The following ZEB1 variants were observed in gnomAD, a reference collection of about 807,000 sequenced individuals.
The protein encoded by ZEB1 is zinc finger E-box binding homeobox 1.
Under a neutral mutation model 84.9 loss-of-function variants are expected in ZEB1, and 21 were observed. The observed-to-expected ratio is 0.25, with a 90% CI of 0.18 to 0.36. The LOEUF (loss-of-function observed/expected upper bound fraction) is 0.36, where lower values mean the gene tolerates loss of function less well. Ranked by LOEUF, ZEB1 falls within the 10% of genes least tolerant of loss-of-function variation. The pLI is 1.00. For missense variants in ZEB1, 1,104 were observed against 1,330.2 expected (o/e 0.83, Z 2.65); for synonymous variants, 420 against 471.1 (o/e 0.89, Z 1.41).
At chr10:31,453,544 G>A (rs550072669) in intron 1 of ZEB1, among the ~76,000 whole-genome samples, 1 of 152,228 alleles carries the variant, frequency 6.6e-6, no homozygotes, top group South Asian at 2.1e-4. Flanking sequence ...ATATTTACAT[G>A]AGACTTTAAT....
At chr10:31,384,764 A>G (rs2048325283) in intron 1 of ZEB1, among the ~76,000 whole-genome samples, 1 of 152,236 alleles carries the variant, frequency 6.6e-6, no homozygotes. Flanking sequence ...CATTATCCAC[A>G]GCATGAGTAA....
chr10:31,478,676 A>G (rs948703564), intron 2 of ZEB1, among the ~76,000 whole-genome samples: 1 of 151,996 alleles, frequency 6.6e-6, no homozygotes, highest in Non-Finnish European at 1.5e-5. Context: ...AGTCATAAAA[A>G]CAAATGAAAT....
upstream of ZEB1, chr10:31,319,175 G>T: frequency 8.8e-7 from 1 of 1,135,456 alleles, no homozygotes; most frequent in Admixed American, 2.3e-5. Context: ...GAGGGGTGGG[G>T]GGGAAGGGGG....
At chr10:31,359,754 T>C (rs2042691683) in intron 1 of ZEB1, among the ~76,000 whole-genome samples, 2 of 152,194 alleles carry the variant, frequency 1.3e-5, no homozygotes, top group South Asian at 4.1e-4. Context: ...ATAGCATCAT[T>C]GGACATTCAG....
At chr10:31,410,705 A>G (rs922960857) in intron 1 of ZEB1, among the ~76,000 whole-genome samples, 1 of 152,052 alleles carries the variant, frequency 6.6e-6, no homozygotes, top group Non-Finnish European at 1.5e-5. Context: ...CTATTCAGGG[A>G]TTTGACATCT....
At position 31,402,769 on chromosome 10, in the gene ZEB1, TTCCTGAC is replaced by T. The variant is rs142491637; in HGVS notation, c.59-58261_59-58255del. ...TCTTGAGTCTGTTGGAGATTAAACT[TTCCTGAC>T]TCCTGAAATGCTTGACTTGACACCG... On this transcript the variant is annotated intron_variant, in intron 1 of 8. Coordinates refer to ENST00000424869, the MANE Select transcript of ZEB1 (RefSeq NM_001174096.2). 7.1e-3 allele frequency among the ~76,000 whole-genome samples: 1,088 copies of T among 152,230 alleles called. 9 individuals carry two copies. Among genetic ancestry groups the T allele is most frequent in the African/African-American group, 0.025 (1,042 of 41,562 alleles).
rs77875938 is a variant in ZEB1 at position 31,476,686 on chromosome 10, G to A, written c.259+15449G>A. On this transcript the variant is annotated intron_variant, in intron 2 of 8. Transcript: ENST00000424869. ...AAAATTCTAGCAAACCAGATTTATC[G>A]CACATCAAAAACAAAATGTATCACA... is the stretch of plus-strand genomic sequence containing the variant. Among the ~76,000 whole-genome samples, 21 of 152,014 alleles carry A rather than the reference G, an allele frequency of 1.4e-4. No individual in the cohort carries two copies. In the East Asian group the frequency reaches 3.3e-3, roughly 24 times the overall value.
At chr10:31,433,472 A>T (rs2136298192) in intron 1 of ZEB1, among the ~76,000 whole-genome samples, 1 of 152,328 alleles carries the variant, frequency 6.6e-6, no homozygotes, top group African/African-American at 2.4e-5. Context: ...TCTGCCAAAT[A>T]CTCAAACCTG....
intron 7 of ZEB1, among the ~76,000 whole-genome samples, chr10:31,522,797 T>G (rs868001408): frequency 2.9e-4 from 44 of 152,244 alleles, no homozygotes; most frequent in African/African-American, 1.1e-3. Flanking sequence ...AATTTCAATA[T>G]CCTGCTCAAA....
intron 1 of ZEB1, among the ~76,000 whole-genome samples, chr10:31,442,948 C>T (rs907016669): frequency 6.6e-6 from 1 of 152,026 alleles, no homozygotes; most frequent in Non-Finnish European, 1.5e-5. Flanking sequence ...CACATGTAGG[C>T]AACTTTTCCA....
intron 4 of ZEB1, among the ~76,000 whole-genome samples, chr10:31,503,467 C>T (rs923244867): frequency 6.6e-6 from 1 of 152,062 alleles, no homozygotes; most frequent in African/African-American, 2.4e-5. Context: ...ACATTTGCTT[C>T]ATCCATTGAT....
At chr10:31,400,626 A>T (rs1426760239) in intron 1 of ZEB1, among the ~76,000 whole-genome samples, 1 of 152,038 alleles carries the variant, frequency 6.6e-6, no homozygotes, top group East Asian at 1.9e-4. Flanking sequence ...TACAGTAGGA[A>T]TTTTTTTACA....
chr10:31,500,590 G>A (rs117653436), intron 3 of ZEB1, among the ~76,000 whole-genome samples: 5 of 152,194 alleles, frequency 3.3e-5, no homozygotes, highest in South Asian at 2.1e-4. Flanking sequence ...TTCCCTAATC[G>A]GTATTTTGAA....
chr10:31,397,370 A>T (rs1057366705), intron 1 of ZEB1, among the ~76,000 whole-genome samples: 1 of 151,984 alleles, frequency 6.6e-6, no homozygotes, highest in African/African-American at 2.4e-5. Flanking sequence ...TTGATTATAT[A>T]ACCAGAGATA....
intron 1 of ZEB1, among the ~76,000 whole-genome samples, chr10:31,412,263 CTTTT>C (rs2054441594): frequency 6.6e-6 from 1 of 152,082 alleles, no homozygotes; most frequent in African/African-American, 2.4e-5. Context: ...AAATACACCT[CTTTT>C]TTTATTATTA....
chr10:31,501,799 C>T (rs1321523972), intron 3 of ZEB1, among the ~76,000 whole-genome samples: 3 of 152,200 alleles, frequency 2.0e-5, no homozygotes, highest in African/African-American at 4.8e-5. Context: ...TAACAATATG[C>T]TTTAATAAAT....
chr10:31,516,540 A>AT (rs2071172681), intron 6 of ZEB1, among the ~76,000 whole-genome samples: 1 of 2,080 alleles, frequency 4.8e-4, no homozygotes, highest in African/African-American at 8.5e-4. Flanking sequence ...GTCTGTAAGT[A>AT]AAAAAAAAAA....
intron 2 of ZEB1, among the ~76,000 whole-genome samples, chr10:31,474,871 CT>C (rs2063843268): frequency 6.6e-6 from 1 of 152,070 alleles, no homozygotes. Context: ...CCATGGAATA[CT>C]ATGCAGCCAT....
chr10:31,466,493 C>T (rs371077997), intron 2 of ZEB1, among the ~76,000 whole-genome samples: 3 of 152,078 alleles, frequency 2.0e-5, no homozygotes, highest in African/African-American at 7.2e-5. Context: ...GGAAATTAAG[C>T]AACACACTCC....
Sources: allele counts gnomAD v4.1 joint callset (sites outside exome capture counted in the v4.1 genomes callset), GRCh38; gene constraint gnomAD v4.1.1; transcripts MANE v1.5; gene names NCBI Gene and HGNC (gene_info 2026-07-23, HGNC 2026-07-21).